Variants in TRIM44 observed in about 807,000 individuals in gnomAD.
The protein encoded by TRIM44 is tripartite motif containing 44.
Under a neutral mutation model 37.4 loss-of-function variants are expected in TRIM44, and 13 were observed. The observed-to-expected ratio is 0.35, with a 90% CI of 0.23 to 0.55. TRIM44 has a LOEUF of 0.55. Ranked by LOEUF, TRIM44 falls within the 20% of genes least tolerant of loss-of-function variation. The pLI, the probability that TRIM44 is intolerant of heterozygous loss-of-function variation, is 0.89. For synonymous variants in TRIM44, 175 were observed against 157.2 expected, an observed-to-expected ratio of 1.11 and a Z score of -0.85; for missense variants, 426 against 437.2, an observed-to-expected ratio of 0.97 and a Z score of 0.23.
chr11:35,791,737 C>G (rs1042619607), intron 4 of TRIM44, among the ~76,000 whole-genome samples: 1 of 152,178 alleles, frequency 6.6e-6, no homozygotes, highest in Non-Finnish European at 1.5e-5. Flanking sequence ...TGTCAACACT[C>G]AGTGATAAAG....
intron 4 of TRIM44, among the ~76,000 whole-genome samples, chr11:35,772,328 A>G (rs986340624): frequency 2.4e-4 from 37 of 152,288 alleles, no homozygotes; most frequent in African/African-American, 8.9e-4. Context: ...CAGAGTCCCT[A>G]CTGGGGCACT....
chr11:35,767,984 A>T (rs1852819380), intron 4 of TRIM44, among the ~76,000 whole-genome samples: 1 of 152,194 alleles, frequency 6.6e-6, no homozygotes, highest in South Asian at 2.1e-4. Flanking sequence ...AACCACGGTT[A>T]GTTTGTAAGG....
At chr11:35,671,807 T>C (rs1851396256) in intron 1 of TRIM44, among the ~76,000 whole-genome samples, 1 of 152,232 alleles carries the variant, frequency 6.6e-6, no homozygotes, top group African/African-American at 2.4e-5. Context: ...CATTGCTGTA[T>C]TGCAGTTTTG....
chr11:35,666,834 T>A (rs958728109), intron 1 of TRIM44, among the ~76,000 whole-genome samples: 3 of 152,352 alleles, frequency 2.0e-5, no homozygotes, highest in African/African-American at 7.2e-5. Context: ...ATATATTGTT[T>A]TTTTGTGATC....
intron 2 of TRIM44, among the ~76,000 whole-genome samples, chr11:35,714,883 T>C (rs764725329): frequency 2.0e-5 from 3 of 152,014 alleles, no homozygotes; most frequent in Non-Finnish European, 4.4e-5. Flanking sequence ...ATAGAAGCTC[T>C]CACCCTTATT....
At chr11:35,718,237 G>C (rs886836732) in intron 2 of TRIM44, among the ~76,000 whole-genome samples, 1 of 151,920 alleles carries the variant, frequency 6.6e-6, no homozygotes, top group Non-Finnish European at 1.5e-5. Flanking sequence ...GACAAATCTG[G>C]GTATAAGGTT....
At chr11:35,802,852 C>T (rs1187419418) in intron 4 of TRIM44, among the ~76,000 whole-genome samples, 1 of 152,114 alleles carries the variant, frequency 6.6e-6, no homozygotes, top group African/African-American at 2.4e-5. Flanking sequence ...GTGAGCAAAG[C>T]AGGATACTGT....
intron 4 of TRIM44, among the ~76,000 whole-genome samples, chr11:35,746,446 C>CTCT (rs1554933382): frequency 1.6e-4 from 15 of 93,200 alleles, no homozygotes; most frequent in Middle Eastern, 8.6e-3. Context: ...GGGGGTCCTT[C>CTCT]TTTTTTTTTT....
At chr11:35,780,886 C>G (rs1853054664) in intron 4 of TRIM44, among the ~76,000 whole-genome samples, 1 of 151,884 alleles carries the variant, frequency 6.6e-6, no homozygotes. Context: ...TACATTATGC[C>G]AGGCACAGCT....
At chr11:35,801,161 G>A (rs1853363368) in intron 4 of TRIM44, among the ~76,000 whole-genome samples, 1 of 152,192 alleles carries the variant, frequency 6.6e-6, no homozygotes. Flanking sequence ...AGTGCTGATC[G>A]CATATTTACT....
intron 2 of TRIM44, among the ~76,000 whole-genome samples, chr11:35,701,674 C>T (rs115518305): frequency 0.024 from 3,610 of 152,202 alleles, 75 homozygotes; most frequent in South Asian, 0.13. Flanking sequence ...CTTATGGGGT[C>T]CTAGGCACGC....
chr11:35,686,677 C>G (rs539336792), intron 2 of TRIM44, among the ~76,000 whole-genome samples: 1 of 152,110 alleles, frequency 6.6e-6, no homozygotes, highest in Non-Finnish European at 1.5e-5. Context: ...CTGCCTCAGC[C>G]GCCTGAGTGG....
chr11:35,720,092 G>T (rs565996156), intron 2 of TRIM44, among the ~76,000 whole-genome samples: 2 of 152,278 alleles, frequency 1.3e-5, no homozygotes, highest in South Asian at 2.1e-4. Context: ...CTAGGATTTT[G>T]ATTGGGATTT....
intron 4 of TRIM44, among the ~76,000 whole-genome samples, chr11:35,800,758 T>G (rs1853357189): frequency 6.6e-6 from 1 of 152,176 alleles, no homozygotes; most frequent in Admixed American, 6.5e-5. Flanking sequence ...GAGACAGCTG[T>G]ATGAATGAGA....
chr11:35,769,776 G>GAACAAA (rs1852842302), intron 4 of TRIM44, among the ~76,000 whole-genome samples: 1 of 152,158 alleles, frequency 6.6e-6, no homozygotes, highest in Non-Finnish European at 1.5e-5. Flanking sequence ...ATTGATGCTT[G>GAACAAA]TTGAATTAAC....
intron 4 of TRIM44, among the ~76,000 whole-genome samples, chr11:35,753,034 T>C (rs1852578083): frequency 6.6e-6 from 1 of 152,242 alleles, no homozygotes; most frequent in African/African-American, 2.4e-5. Flanking sequence ...CAAATCGCTT[T>C]GCAAACCCTG....
chr11:35,741,239 C>T (rs1165640705), intron 4 of TRIM44, among the ~76,000 whole-genome samples: 1 of 152,118 alleles, frequency 6.6e-6, no homozygotes, highest in Non-Finnish European at 1.5e-5. Context: ...TCACATTTCC[C>T]TGTTATGGAA....
At chr11:35,747,434 A>G (rs1246995215) in intron 4 of TRIM44, among the ~76,000 whole-genome samples, 1 of 152,200 alleles carries the variant, frequency 6.6e-6, no homozygotes, top group Non-Finnish European at 1.5e-5. Flanking sequence ...CCTGGATTAG[A>G]ACCCAGATCT....
At chr11:35,768,210 T>A (rs1195280267) in intron 4 of TRIM44, among the ~76,000 whole-genome samples, 1 of 152,154 alleles carries the variant, frequency 6.6e-6, no homozygotes, top group African/African-American at 2.4e-5. Flanking sequence ...AGAATTGAAT[T>A]TAAGAAAGTT....
Sources: gnomAD v4.1 joint callset for allele counts (sites outside exome capture counted in the v4.1 genomes callset) on GRCh38, gnomAD v4.1.1 for gene constraint, MANE v1.5 for transcripts, NCBI Gene and HGNC (gene_info 2026-07-23, HGNC 2026-07-21) for gene names.